Variants in KRTAP5-7 observed in about 807,000 individuals in gnomAD.
The protein encoded by KRTAP5-7 is keratin-associated protein 5-7.
A neutral mutation model predicts 2.4 loss-of-function variants in KRTAP5-7; 1 was observed. The observed-to-expected ratio is 0.42, with a 90% confidence interval of 0.15 to 2.01. The LOEUF (loss-of-function observed/expected upper bound fraction) is 2.01, where lower values mean the gene tolerates loss of function less well. Ranked by LOEUF, KRTAP5-7 falls within the 30% of genes most tolerant of loss-of-function variation. The probability of loss-of-function intolerance (pLI) is 0.29; values close to 1 mark genes in which losing one functional copy is unlikely to be tolerated. For synonymous variants in KRTAP5-7, 55 were observed against 80.8 expected, an observed-to-expected ratio of 0.68 and a Z score of 1.71; for missense variants, 161 against 200.8, an observed-to-expected ratio of 0.80 and a Z score of 1.20.
At position 71,527,980 on chromosome 11, in the gene KRTAP5-7, A is replaced by G; in HGVS notation, c.*182A>G. On this transcript the variant is annotated 3_prime_UTR_variant, in exon 1 of 1. Coordinates refer to ENST00000398536, the MANE Select transcript of KRTAP5-7 (RefSeq NM_001012503.2). ...TAATTAATGTCCATTCCCTCCTAACAAATTCTCTTCCCAAGTCAACTGCAA... is the reference window on the plus strand; with the variant it reads ...TAATTAATGTCCATTCCCTCCTAACGAATTCTCTTCCCAAGTCAACTGCAA... 8.3e-7 allele frequency: 1 copy of G among 1,211,240 alleles called. No individual in the cohort carries two copies. The highest frequency in any genetic ancestry group is 2.5e-5 in the East Asian group (1 of 40,566). 75.0% of individuals were successfully genotyped at this position (1,211,240 alleles called of 1,614,324 possible). A position where few individuals can be genotyped will look rare whatever the true frequency, so the allele number is the denominator to read the frequency against.
chr11:71,527,312 T>C lies in KRTAP5-7; in HGVS notation c.12T>C (p.Cys4=). 1 of 1,613,394 alleles carries C rather than the reference T, an allele frequency of 6.2e-7. No individual in the cohort carries two copies. The highest frequency in any genetic ancestry group is 2.2e-5 in the East Asian group (1 of 44,884). The part of the protein sequence containing the change: MGC[C]GCSEGCGSGC... Reference sequence around the variant, plus strand: ...AATCCACCAGAACCATGGGCTGCTGTGGCTGTTCCGAAGGCTGTGGCTCCG... The same window carrying C: ...AATCCACCAGAACCATGGGCTGCTGCGGCTGTTCCGAAGGCTGTGGCTCCG... The change falls in exon 1 of 1, where the codon TGT becomes TGC. Residue 4 remains cysteine, a synonymous_variant. Coordinates refer to ENST00000398536, the MANE Select transcript of KRTAP5-7 (RefSeq NM_001012503.2).
chr11:71,527,903 C>T lies in KRTAP5-7; in HGVS notation c.*105C>T, dbSNP rs1317194818. On this transcript the variant is annotated 3_prime_UTR_variant, in exon 1 of 1. Transcript: ENST00000398536. ...AAACCACTGCTCAGGGTCCATTCCT[C>T]ACTATAAGATGAAGCCATATCTGCC... 2 of 1,577,874 alleles carry T rather than the reference C, an allele frequency of 1.3e-6. No homozygotes were observed. The highest frequency in any genetic ancestry group is 1.7e-6 in the Non-Finnish European group (2 of 1,158,284).
chr11:71,528,070 C>G lies in KRTAP5-7; in HGVS notation c.*272C>G, dbSNP rs1053784495. ...GCTTGTGTATTCAGAGGCCTGAGCTCCTGAACCCACTTGAAGTCCTGTCTT... is the reference window on the plus strand; with the variant it reads ...GCTTGTGTATTCAGAGGCCTGAGCTGCTGAACCCACTTGAAGTCCTGTCTT... On this transcript the variant is annotated 3_prime_UTR_variant, in exon 1 of 1. Coordinates refer to ENST00000398536, the MANE Select transcript of KRTAP5-7 (RefSeq NM_001012503.2). 6 of 616,740 alleles carry G rather than the reference C, an allele frequency of 9.7e-6. No homozygotes were observed. The highest frequency in any genetic ancestry group is 1.9e-5 in the African/African-American group (1 of 53,892). The allele number at this position is 616,740 out of a possible 1,614,324, so 38.2% of individuals were successfully genotyped here. A position where few individuals can be genotyped will look rare whatever the true frequency, so the allele number is the denominator to read the frequency against.
In KRTAP5-7 at chr11:71,527,291, C is replaced by T. The variant is rs774948723; in HGVS notation, c.-10C>T. On this transcript the variant is annotated 5_prime_UTR_variant, in exon 1 of 1. Transcript: ENST00000398536. ...TCCTCTACCTGCTCCACCCTCAATC[C>T]ACCAGAACCATGGGCTGCTGTGGCT... The T allele has an allele frequency of 1.2e-6, 2 of 1,613,350 alleles. No homozygotes were observed. The highest frequency in any genetic ancestry group is 2.7e-5 in the African/African-American group (2 of 74,978).
rs2120596384 is a variant in KRTAP5-7, at chr11:71,527,599, C to CCTG, written c.308_310dup (p.Cys103dup). 1 of 1,506,116 alleles carries CCTG rather than the reference C, an allele frequency of 6.6e-7. No individual in the cohort carries two copies. Among genetic ancestry groups the CCTG allele is most frequent in the East Asian group, 2.9e-5 (1 of 34,138 alleles). 93.3% of individuals were successfully genotyped at this position (1,506,116 alleles called of 1,614,324 possible). A position where few individuals can be genotyped will look rare whatever the true frequency, so the allele number is the denominator to read the frequency against. On this transcript the variant is annotated inframe_insertion, in exon 1 of 1. Coordinates refer to ENST00000398536, the MANE Select transcript of KRTAP5-7 (RefSeq NM_001012503.2). ...TGCTCCCAGTGCAGCTGCTATAAGCCCTGCTGCTGCTCCTCAGGCTGTGGG... is the reference window on the plus strand; with the variant it reads ...TGCTCCCAGTGCAGCTGCTATAAGCCCTGCTGCTGCTGCTCCTCAGGCTGTGGG...
At position 71,527,545 on chromosome 11, in the gene KRTAP5-7, G is replaced by T. The variant is rs1312147206; in HGVS notation, c.245G>T (p.Gly82Val). 6.3e-7 allele frequency: 1 copy of T among 1,580,284 alleles called. No homozygotes were observed. The highest frequency in any genetic ancestry group is 8.6e-7 in the Non-Finnish European group (1 of 1,160,186). Reference protein sequence around the residue: ...GSKGGCGSCGGSKGGCGSCGC... With the variant: ...GSKGGCGSCGVSKGGCGSCGC... ...AAGGGGGGCTGTGGCTCTTGTGGGG[G>T]TTCTAAGGGGGGCTGTGGTTCTTGT... Residue 82 changes from glycine (G) to valine (V), a missense_variant, in exon 1 of 1, where the codon GGT (glycine) becomes GTT (valine). Gly to Val is a moderately radical substitution (Grantham distance 109). Around this residue, in one of 4 missense-constraint regions of KRTAP5-7, gnomAD observed 116 missense variants for 113.7 expected, o/e 1.02. Coordinates refer to ENST00000398536, the MANE Select transcript of KRTAP5-7 (RefSeq NM_001012503.2).
In KRTAP5-7 at chr11:71,528,613, A is replaced by C. The variant is rs77151633; in HGVS notation, c.*815A>C. 389 of 166,948 alleles carry C rather than the reference A, an allele frequency of 2.3e-3. 9 individuals carry two copies. In the East Asian group the frequency reaches 0.061, roughly 26 times the overall value. The allele number at this position is 166,948 out of a possible 1,614,324, so 10.3% of individuals were successfully genotyped here. A position where few individuals can be genotyped will look rare whatever the true frequency, so the allele number is the denominator to read the frequency against. ...AAGTTTTTGTAACCAACTTACTCTG[A>C]TTGTCTTTGTTGTTACACAGCCTGT... is the stretch of plus-strand genomic sequence containing the variant. On this transcript the variant is annotated 3_prime_UTR_variant, in exon 1 of 1. Transcript: ENST00000398536.
Position 71,527,430 on chromosome 11 carries a change from C to A in KRTAP5-7, c.130C>A (p.Pro44Thr), listed in dbSNP as rs772804812. 3 of 1,611,288 alleles carry A rather than the reference C, an allele frequency of 1.9e-6. No homozygotes were observed. The East Asian group carries it at 6.7e-5, about 36-fold the overall frequency. The stretch of plus-strand genomic sequence containing the variant: ...CTGTGTGCCCGTCTGCTGCTGCAAG[C>A]CCGTGTGCTGCTGTGTGCCAGCCTG... ...SCCVPVCCCK[P>T]VCCCVPACSC... Residue 44 changes from proline (P) to threonine (T), a missense_variant, in exon 1 of 1, where the codon CCC becomes ACC. Pro to Thr is a conservative substitution (Grantham distance 38, BLOSUM62 -1). This residue lies in a region of KRTAP5-7 where 116 missense variants were observed against 113.7 expected (regional missense o/e 1.02). Coordinates refer to ENST00000398536, the MANE Select transcript of KRTAP5-7 (RefSeq NM_001012503.2).
In KRTAP5-7 at chr11:71,528,304, G is replaced by T; in HGVS notation, c.*506G>T. ...GGTCATTACTATGGCTATGGCTATT[G>T]TTTTCTTGTTCTTGTTGTGTTTCGG... is the stretch of plus-strand genomic sequence containing the variant. On this transcript the variant is annotated 3_prime_UTR_variant, in exon 1 of 1. Coordinates refer to ENST00000398536, the MANE Select transcript of KRTAP5-7 (RefSeq NM_001012503.2). 4.8e-6 allele frequency: 1 copy of T among 208,696 alleles called. No individual in the cohort carries two copies. Among genetic ancestry groups the T allele is most frequent in the South Asian group, 1.1e-4 (1 of 9,508 alleles). The allele number at this position is 208,696 out of a possible 1,614,324, so 12.9% of individuals were successfully genotyped here.
rs759845439 is a variant in KRTAP5-7, at chr11:71,527,813, G to T, written c.*15G>T. On this transcript the variant is annotated 3_prime_UTR_variant, in exon 1 of 1. Coordinates refer to ENST00000398536, the MANE Select transcript of KRTAP5-7 (RefSeq NM_001012503.2). Reference sequence around the variant, plus strand: ...GTAAGATCTGAGGCTCTGGACTCAGGTCTCATGTGAGTCCTGCTAACCCCA... The same window carrying T: ...GTAAGATCTGAGGCTCTGGACTCAGTTCTCATGTGAGTCCTGCTAACCCCA... 25 of 1,614,042 alleles carry T rather than the reference G, an allele frequency of 1.5e-5. No individual in the cohort carries two copies. Among genetic ancestry groups the T allele is most frequent in the African/African-American group, 2.7e-5 (2 of 74,922 alleles).
rs1950003170 is a variant in KRTAP5-7 at position 71,527,811 on chromosome 11, A to G, written c.*13A>G. 1.2e-6 allele frequency: 2 copies of G among 1,614,042 alleles called. No homozygotes were observed. Among genetic ancestry groups the G allele is most frequent in the Non-Finnish European group, 1.7e-6 (2 of 1,180,022 alleles). ...GTGTAAGATCTGAGGCTCTGGACTC[A>G]GGTCTCATGTGAGTCCTGCTAACCC... On this transcript the variant is annotated 3_prime_UTR_variant, in exon 1 of 1. Transcript: ENST00000398536.
Position 71,527,743 on chromosome 11 carries a change from C to T in KRTAP5-7, c.443C>T (p.Pro148Leu), listed in dbSNP as rs1397920886. Residue 148 changes from proline (P) to leucine (L), a missense_variant, in exon 1 of 1, where the codon CCC becomes CTC. Physicochemically the swap from Pro to Leu is moderately conservative, Grantham distance 98 (BLOSUM62 -3). Coordinates refer to ENST00000398536, the MANE Select transcript of KRTAP5-7 (RefSeq NM_001012503.2). ...SSCCQSSCCN[P>L]CCSQSSCCVP... ...TGCTGCCAGTCCAGTTGCTGCAATCCCTGCTGCTCCCAGTCTAGCTGCTGT... is the reference window on the plus strand; with the variant it reads ...TGCTGCCAGTCCAGTTGCTGCAATCTCTGCTGCTCCCAGTCTAGCTGCTGT... 5.4e-6 allele frequency: 8 copies of T among 1,468,876 alleles called. No homozygotes were observed. Among genetic ancestry groups the T allele is most frequent in the Non-Finnish European group, 7.2e-6 (8 of 1,117,214 alleles). 91.0% of individuals were successfully genotyped at this position (1,468,876 alleles called of 1,614,324 possible).
rs369186214 is a variant in KRTAP5-7, at chr11:71,527,754, C to A, written c.454C>A (p.Gln152Lys). 1 of 1,519,386 alleles carries A rather than the reference C, an allele frequency of 6.6e-7. No individual in the cohort carries two copies. Among genetic ancestry groups the A allele is most frequent in the Non-Finnish European group, 8.8e-7 (1 of 1,140,916 alleles). 94.1% of individuals were successfully genotyped at this position (1,519,386 alleles called of 1,614,324 possible). Residue 152 changes from glutamine to lysine, a missense_variant, in exon 1 of 1, where the codon CAG (glutamine) becomes AAG (lysine). By Grantham distance (53) the Gln-to-Lys change is moderately conservative. Transcript: ENST00000398536. ...CAGTTGCTGCAATCCCTGCTGCTCC[C>A]AGTCTAGCTGCTGTGTCCCCGTGTG... ...QSSCCNPCCS[Q>K]SSCCVPVCCQ...
chr11:71,527,613 T>C lies in KRTAP5-7; in HGVS notation c.313T>C (p.Ser105Pro), dbSNP rs753986436. Residue 105 changes from serine to proline, a missense_variant, in exon 1 of 1, where the codon TCA becomes CCA. Physicochemically the swap from Ser to Pro is moderately conservative, Grantham distance 74. Coordinates refer to ENST00000398536, the MANE Select transcript of KRTAP5-7 (RefSeq NM_001012503.2). ...CSCYKPCCCS[S>P]GCGSSCCQSS... ...CTGCTATAAGCCCTGCTGCTGCTCC[T>C]CAGGCTGTGGGTCATCCTGCTGCCA... is the stretch of plus-strand genomic sequence containing the variant. 58 of 1,240,618 alleles carry C rather than the reference T, an allele frequency of 4.7e-5. No homozygotes were observed. The Admixed American group carries it at 1.5e-3, about 31-fold the overall frequency. The allele number at this position is 1,240,618 out of a possible 1,614,324, so 76.9% of individuals were successfully genotyped here.
chr11:71,527,757 T>C lies in KRTAP5-7; in HGVS notation c.457T>C (p.Ser153Pro), dbSNP rs749206904. 1 of 1,614,088 alleles carries C rather than the reference T, an allele frequency of 6.2e-7. No individual in the cohort carries two copies. Among genetic ancestry groups the C allele is most frequent in the Admixed American group, 1.7e-5 (1 of 60,020 alleles). ...TTGCTGCAATCCCTGCTGCTCCCAG[T>C]CTAGCTGCTGTGTCCCCGTGTGCTG... ...SSCCNPCCSQ[S>P]SCCVPVCCQC... Residue 153 changes from serine to proline, a missense_variant, in exon 1 of 1, where the codon TCT (serine) becomes CCT (proline). By Grantham distance (74) the Ser-to-Pro change is moderately conservative. This residue lies in a region of KRTAP5-7 where 27 missense variants were observed against 38.5 expected (regional missense o/e 0.70). Transcript: ENST00000398536.
In KRTAP5-7 at chr11:71,528,081, T is replaced by C. The variant is rs1950004494; in HGVS notation, c.*283T>C. On this transcript the variant is annotated 3_prime_UTR_variant, in exon 1 of 1. Transcript: ENST00000398536. ...CAGAGGCCTGAGCTCCTGAACCCACTTGAAGTCCTGTCTTTTCCAGCTGGA... is the reference window on the plus strand; with the variant it reads ...CAGAGGCCTGAGCTCCTGAACCCACCTGAAGTCCTGTCTTTTCCAGCTGGA... 1 of 576,410 alleles carries C rather than the reference T, an allele frequency of 1.7e-6. No individual in the cohort carries two copies. The highest frequency in any genetic ancestry group is 1.9e-5 in the African/African-American group (1 of 53,272). 35.7% of individuals were successfully genotyped at this position (576,410 alleles called of 1,614,324 possible).
Position 71,527,878 on chromosome 11 carries a change from A to T in KRTAP5-7, c.*80A>T. 1 of 1,601,094 alleles carries T rather than the reference A, an allele frequency of 6.2e-7. No homozygotes were observed. Among genetic ancestry groups the T allele is most frequent in the Admixed American group, 1.7e-5 (1 of 59,682 alleles). On this transcript the variant is annotated 3_prime_UTR_variant, in exon 1 of 1. Transcript: ENST00000398536. Reference sequence around the variant, plus strand: ...GACCTGTCCTTCATCGTTGAGCCCCAAACCACTGCTCAGGGTCCATTCCTC... The same window carrying T: ...GACCTGTCCTTCATCGTTGAGCCCCTAACCACTGCTCAGGGTCCATTCCTC...
chr11:71,527,414 C>G lies in KRTAP5-7; in HGVS notation c.114C>G (p.Pro38=). The change falls in exon 1 of 1, where the codon CCC becomes CCG. Residue 38 remains proline (P), a synonymous_variant. Transcript: ENST00000398536. ...GATGTGGCTCCAGCTGCTGTGTGCCCGTCTGCTGCTGCAAGCCCGTGTGCT... is the reference window on the plus strand; with the variant it reads ...GATGTGGCTCCAGCTGCTGTGTGCCGGTCTGCTGCTGCAAGCCCGTGTGCT... ...CGGCGSSCCV[P]VCCCKPVCCC... 1 of 1,609,914 alleles carries G rather than the reference C, an allele frequency of 6.2e-7. No individual in the cohort carries two copies. The highest frequency in any genetic ancestry group is 2.2e-5 in the East Asian group (1 of 44,682).
Position 71,527,826 on chromosome 11 carries a change from C to T in KRTAP5-7, c.*28C>T, listed in dbSNP as rs1375804721. 1.2e-6 allele frequency: 2 copies of T among 1,613,694 alleles called. No homozygotes were observed. Among genetic ancestry groups the T allele is most frequent in the South Asian group, 2.2e-5 (2 of 91,066 alleles). On this transcript the variant is annotated 3_prime_UTR_variant, in exon 1 of 1. Transcript: ENST00000398536. ...CTCTGGACTCAGGTCTCATGTGAGTCCTGCTAACCCCATTTTCCGAAGCTG... is the reference window on the plus strand; with the variant it reads ...CTCTGGACTCAGGTCTCATGTGAGTTCTGCTAACCCCATTTTCCGAAGCTG...
Sources: gnomAD v4.1 joint callset for allele counts on GRCh38, gnomAD v4.1.1 for gene constraint, gnomAD v4.1.1 regional missense constraint, MANE v1.5 for transcripts, NCBI Gene and HGNC (gene_info 2026-07-23, HGNC 2026-07-21) for gene names.